The following BIRC6 variants were observed in gnomAD, a reference collection of about 807,000 sequenced individuals.
BIRC6 encodes the protein dual E2 ubiquitin-conjugating enzyme/E3 ubiquitin-protein ligase BIRC6.
Under a neutral mutation model 503.3 loss-of-function variants are expected in BIRC6, and 98 were observed. The observed-to-expected ratio is 0.19, with a 90% CI of 0.17 to 0.23. The LOEUF is 0.23. Among genes scored for constraint, BIRC6 ranks in the 10% least tolerant of loss-of-function variants. The pLI, the probability that BIRC6 is intolerant of heterozygous loss-of-function variation, is 1.00. For missense variants in BIRC6, 5,360 were observed against 5,806.0 expected (o/e 0.92, Z 2.50); for synonymous variants, 2,240 against 2,078.7 (o/e 1.08, Z -2.11).
intron 26 of BIRC6, 114 bp downstream of exon 26, chr2:32,465,278 C>T (rs2048425434): frequency 1.5e-5 from 9 of 583,634 alleles, no homozygotes; most frequent in East Asian, 9.1e-5. Flanking sequence ...TTGCAAATCG[C>T]GTTTCCTCTT....
chr2:32,510,364 C>T (rs2054273634), intron 52 of BIRC6, among the ~76,000 whole-genome samples, 162 bp from the exon 53 acceptor site: 1 of 152,224 alleles, frequency 6.6e-6, no homozygotes, highest in Non-Finnish European at 1.5e-5. Context: ...CACGTGTGAA[C>T]CACTGCACCC....
chr2:32,365,895 T>A (rs1201038798), intron 1 of BIRC6, among the ~76,000 whole-genome samples: 1 of 152,126 alleles, frequency 6.6e-6, no homozygotes, highest in Non-Finnish European at 1.5e-5. Flanking sequence ...TAATTTAATT[T>A]ATTTTTTGAG....
chr2:32,480,131 T>C (rs1450563163), intron 37 of BIRC6, among the ~76,000 whole-genome samples: 3 of 152,232 alleles, frequency 2.0e-5, no homozygotes, highest in African/African-American at 2.4e-5. Flanking sequence ...CTTAATCTTA[T>C]GTTTGCTCAT....
rs1161258562 is a variant in BIRC6 at position 32,473,143 on chromosome 2, A to G, written c.6624A>G (p.Leu2208=). 1 of 1,580,222 alleles carries G rather than the reference A, an allele frequency of 6.3e-7. No homozygotes were observed. The highest frequency in any genetic ancestry group is 8.6e-7 in the Non-Finnish European group (1 of 1,160,660). The stretch of plus-strand genomic sequence containing the variant: ...AGTGGAGTTTTATTAACAATAATCT[A>G]CACACTCAGAGCTTAAATAGATCTT... ...GNQWSFINNN[L]HTQSLNRSSK... The change falls in exon 33 of 74, where the codon CTA becomes CTG. Residue 2208 remains leucine (L), a synonymous_variant. Coordinates refer to ENST00000421745, the MANE Select transcript of BIRC6 (RefSeq NM_016252.4).
chr2:32,444,652 A>G (rs1033729863), intron 20 of BIRC6, among the ~76,000 whole-genome samples: 2 of 152,118 alleles, frequency 1.3e-5, no homozygotes, highest in African/African-American at 2.4e-5. Context: ...TCGGGAGGCC[A>G]TGGAGGGAGG....
chr2:32,584,166 A>G (rs908007794), intron 66 of BIRC6, among the ~76,000 whole-genome samples: 3 of 152,204 alleles, frequency 2.0e-5, no homozygotes, highest in Non-Finnish European at 4.4e-5. Flanking sequence ...TGAGCCCAGG[A>G]GTTTAAGACA....
intron 1 of BIRC6, among the ~76,000 whole-genome samples, chr2:32,377,044 G>A (rs1403532105): frequency 6.6e-6 from 1 of 152,082 alleles, no homozygotes; most frequent in Non-Finnish European, 1.5e-5. Flanking sequence ...TGCAAAAAAT[G>A]ACATCCAATA....
chr2:32,539,621 C>CA (rs2057504286), intron 61 of BIRC6, among the ~76,000 whole-genome samples: 2 of 152,046 alleles, frequency 1.3e-5, no homozygotes, highest in South Asian at 4.1e-4. Flanking sequence ...CAAGATATTT[C>CA]AAAACGATAA....
At chr2:32,387,774 C>T (rs1184686500) in intron 3 of BIRC6, among the ~76,000 whole-genome samples, 1 of 152,134 alleles carries the variant, frequency 6.6e-6, no homozygotes, top group Non-Finnish European at 1.5e-5. Flanking sequence ...CTGTGCTTAA[C>T]ATTGTACTGG....
intron 72 of BIRC6, among the ~76,000 whole-genome samples, chr2:32,608,028 T>G (rs1166316021): frequency 6.7e-6 from 1 of 149,144 alleles, no homozygotes; most frequent in Non-Finnish European, 1.5e-5. Flanking sequence ...TTTGTTAGTA[T>G]TCTATTTGCC....
chr2:32,367,473 A>T, intron 1 of BIRC6, among the ~76,000 whole-genome samples: 1 of 152,028 alleles, frequency 6.6e-6, no homozygotes, highest in East Asian at 1.9e-4. Flanking sequence ...CAAAAAAAAA[A>T]CAAAAAAACG....
intron 57 of BIRC6, among the ~76,000 whole-genome samples, chr2:32,521,647 T>G (rs1296835394): frequency 1.1e-4 from 16 of 150,520 alleles, no homozygotes; most frequent in African/African-American, 3.9e-4. Flanking sequence ...TTTTGTATTT[T>G]TTTTTTTTTT....
In BIRC6 at chr2:32,414,969, C is replaced by T. The variant is rs771553468; in HGVS notation, c.1678C>T (p.His560Tyr). The T allele has an allele frequency of 5.0e-6, 8 of 1,613,836 alleles. No homozygotes were observed. In the East Asian group the frequency reaches 8.9e-5, roughly 18 times the overall value. The change falls in exon 10 of 74, where the codon CAC becomes TAC. Residue 560 changes from histidine (H) to tyrosine (Y), a missense_variant. His to Tyr is a moderately conservative substitution (Grantham distance 83). Coordinates refer to ENST00000421745, the MANE Select transcript of BIRC6 (RefSeq NM_016252.4). ...GACAAAGGAAAAGCACCAGGAGCAA[C>T]ACAACATTCCTTTTCCATGTTTATT... is the stretch of plus-strand genomic sequence containing the variant. ...EKTKEKHQEQHNIPFPCLLAG... is the reference protein window; with the variant it reads ...EKTKEKHQEQYNIPFPCLLAG...
intron 23 of BIRC6, among the ~76,000 whole-genome samples, chr2:32,461,342 T>TTGTGTGTGTGTG (rs2047965250): frequency 1.7e-5 from 2 of 118,262 alleles, no homozygotes; most frequent in African/African-American, 7.5e-5. Flanking sequence ...CATGCCTGGC[T>TTGTGTGTGTGTG]AGTGTGTGTG....
At chr2:32,525,153 AT>A in intron 58 of BIRC6, 134 bp downstream of exon 58, 1 of 831,272 alleles carries the variant, frequency 1.2e-6, no homozygotes, top group Non-Finnish European at 1.7e-6. Flanking sequence ...TTAATACTAG[AT>A]TTTTATCTTT....
intron 61 of BIRC6, among the ~76,000 whole-genome samples, chr2:32,534,233 G>T (rs191082290): frequency 2.0e-5 from 3 of 151,012 alleles, no homozygotes; most frequent in Non-Finnish European, 4.4e-5. Flanking sequence ...AATTAGCCCG[G>T]TGTGGTAGTG....
intron 34 of BIRC6, among the ~76,000 whole-genome samples, 187 bp from the exon 35 acceptor site, chr2:32,477,181 A>G (rs918554394): frequency 6.6e-6 from 1 of 152,188 alleles, no homozygotes; most frequent in Admixed American, 6.5e-5. Flanking sequence ...TTTACTCCAA[A>G]TAGGAAGTAA....
At position 32,503,089 on chromosome 2, in the gene BIRC6, A is replaced by G. The variant is rs1487103163; in HGVS notation, c.9352A>G (p.Ile3118Val). The G allele has an allele frequency of 5.0e-6, 8 of 1,610,368 alleles. No individual in the cohort carries two copies. Among genetic ancestry groups the G allele is most frequent in the Middle Eastern group, 3.3e-4 (2 of 6,054 alleles). Residue 3118 changes from isoleucine to valine, a missense_variant, in exon 49 of 74, where the codon ATT (isoleucine) becomes GTT (valine). This residue lies in a region of BIRC6 where 267 missense variants were observed against 287.6 expected (regional missense o/e 0.93). Coordinates refer to ENST00000421745, the MANE Select transcript of BIRC6 (RefSeq NM_016252.4). ...TAATATGGTTACTAGTACAAGGGCT[A>G]TTGTGAACACTGCAAGAAGTATGGT... is the stretch of plus-strand genomic sequence containing the variant. ...CNNMVTSTRA[I>V]VNTARSMVST...
At chr2:32,582,794 C>G (rs191251140) in intron 66 of BIRC6, among the ~76,000 whole-genome samples, 1 of 152,142 alleles carries the variant, frequency 6.6e-6, no homozygotes, top group Admixed American at 6.6e-5. Context: ...ACTAGAATGA[C>G]TGCTTAAAGA....
Sources: allele counts gnomAD v4.1 joint callset (sites outside exome capture counted in the v4.1 genomes callset), GRCh38; gene constraint gnomAD v4.1.1; regional missense constraint gnomAD v4.1.1; transcripts MANE v1.5; gene names NCBI Gene and HGNC (gene_info 2026-07-23, HGNC 2026-07-21).